ANK2: variants seen among roughly 807,000 people sequenced by gnomAD.
ANK2 encodes ankyrin-2.
A neutral mutation model predicts 360.5 loss-of-function variants in ANK2; 83 were observed. That is an observed-to-expected ratio of 0.23 (90% CI 0.19 to 0.28). The LOEUF (loss-of-function observed/expected upper bound fraction) is 0.28. ANK2 is among the 10% of genes least tolerant of loss of function. The pLI is 1.00. For synonymous variants in ANK2, 1,740 were observed against 1,759.5 expected, an observed-to-expected ratio of 0.99 and a Z score of 0.28; for missense variants, 4,201 against 4,795.7, an observed-to-expected ratio of 0.88 and a Z score of 3.66.
intron 18 of ANK2, 101 bp from the exon 19 acceptor site, chr4:113,287,504 C>T (rs372340226): frequency 3.1e-6 from 3 of 964,212 alleles, no homozygotes; most frequent in Admixed American, 2.0e-5. Flanking sequence ...ATGAGTTTTC[C>T]AGGATATTTT....
At chr4:113,258,842 A>G (rs1298587208) in intron 13 of ANK2, among the ~76,000 whole-genome samples, 1 of 152,238 alleles carries the variant, frequency 6.6e-6, no homozygotes, top group African/African-American at 2.4e-5. Flanking sequence ...TAACCTTAAC[A>G]AAAGATTAAC....
At chr4:112,726,854 A>T in the ANK2 span, among the ~76,000 whole-genome samples, 1 of 150,080 alleles carries the variant, frequency 6.7e-6, no homozygotes, top group African/African-American at 2.4e-5. Flanking sequence ...TCTGTCTCAA[A>T]AAAAAAAAAA....
chr4:112,794,412 G>T, the ANK2 span, among the ~76,000 whole-genome samples: 1 of 152,294 alleles, frequency 6.6e-6, no homozygotes, highest in African/African-American at 2.4e-5. Context: ...AGCAGAGTAT[G>T]TAGTTATCTT....
intron 2 of ANK2, among the ~76,000 whole-genome samples, chr4:113,023,493 A>G (rs929054354): frequency 6.6e-6 from 1 of 152,116 alleles, no homozygotes; most frequent in African/African-American, 2.4e-5. Flanking sequence ...CTCTATATAG[A>G]TATGCTTGTG....
chr4:113,043,384 G>A (rs2063446096), intron 2 of ANK2, among the ~76,000 whole-genome samples: 1 of 151,864 alleles, frequency 6.6e-6, no homozygotes, highest in South Asian at 2.1e-4. Context: ...GCAGTCCCCA[G>A]GCCCAGAAGT....
the ANK2 span, among the ~76,000 whole-genome samples, chr4:112,710,810 C>A: frequency 6.6e-6 from 1 of 151,340 alleles, no homozygotes; most frequent in East Asian, 1.9e-4. Context: ...TTACCTTTTG[C>A]CTCCACTGGG....
intron 2 of ANK2, among the ~76,000 whole-genome samples, chr4:113,190,510 CATTAA>C (rs2098642537): frequency 6.6e-6 from 1 of 151,412 alleles, no homozygotes; most frequent in Non-Finnish European, 1.5e-5. Flanking sequence ...TGTATTTGGA[CATTAA>C]ATATCTACAA....
At chr4:112,913,092 C>G (rs1167273429) in intron 2 of ANK2, among the ~76,000 whole-genome samples, 5 of 152,098 alleles carry the variant, frequency 3.3e-5, no homozygotes, top group Non-Finnish European at 7.4e-5. Context: ...TAAAAAAACT[C>G]ATATTAGCTC....
chr4:113,373,780 G>C, intron 45 of ANK2: 1 of 464,476 alleles, frequency 2.2e-6, no homozygotes, highest in South Asian at 1.8e-5. Context: ...GCAGTATGCT[G>C]TGGAGACACC....
intron 1 of ANK2, among the ~76,000 whole-genome samples, chr4:113,170,391 T>C (rs1308379487): frequency 1.3e-5 from 2 of 152,308 alleles, no homozygotes; most frequent in Non-Finnish European, 2.9e-5. Flanking sequence ...ACCATTCTTG[T>C]CTCTGTACTA....
chr4:112,823,707 A>G (rs1405725307), intron 1 of ANK2, among the ~76,000 whole-genome samples: 1 of 152,226 alleles, frequency 6.6e-6, no homozygotes, highest in East Asian at 1.9e-4. Flanking sequence ...CTTGTTGTAA[A>G]CAAAGCAACA....
At chr4:113,189,911 G>A (rs555444420) in intron 2 of ANK2, among the ~76,000 whole-genome samples, 5 of 152,226 alleles carry the variant, frequency 3.3e-5, no homozygotes, top group Admixed American at 2.6e-4. Context: ...TCATTGAAAT[G>A]TTAAATGAGT....
At chr4:113,236,943 A>G (rs2099388439) in intron 5 of ANK2, 44 bp from the exon 6 acceptor site, 2 of 1,584,258 alleles carry the variant, frequency 1.3e-6, no homozygotes, top group African/African-American at 2.7e-5. Flanking sequence ...AATCTCTAGC[A>G]TCTGAAGATG....
At chr4:113,301,939 G>T (rs57599969) in intron 22 of ANK2, among the ~76,000 whole-genome samples, 7,363 of 152,166 alleles carry the variant, frequency 0.048, 322 homozygotes, top group East Asian at 0.26. Flanking sequence ...AATATTTATG[G>T]AGTGCCAACA....
intron 26 of ANK2, among the ~76,000 whole-genome samples, chr4:113,320,168 G>A (rs928906314): frequency 1.3e-5 from 2 of 152,182 alleles, no homozygotes; most frequent in African/African-American, 4.8e-5. Flanking sequence ...ACACCTATAA[G>A]TAATTATGGT....
chr4:112,984,010 T>C (rs771161506), intron 2 of ANK2, among the ~76,000 whole-genome samples: 5 of 152,220 alleles, frequency 3.3e-5, no homozygotes, highest in Non-Finnish European at 5.9e-5. Context: ...ATAATAATGA[T>C]AATTTGACAT....
chr4:112,930,907 G>T (rs2154236908), intron 2 of ANK2, among the ~76,000 whole-genome samples: 2 of 148,910 alleles, frequency 1.3e-5, no homozygotes, highest in Middle Eastern at 7.0e-3. Context: ...AAAAAAAAAA[G>T]ACTTAAAATG....
the ANK2 span, among the ~76,000 whole-genome samples, chr4:112,707,381 G>A: frequency 5.3e-5 from 8 of 152,208 alleles, no homozygotes; most frequent in Non-Finnish European, 1.0e-4. Flanking sequence ...TGACTAAAAA[G>A]TAGTGTGTAC....
chr4:113,031,576 C>A (rs1311799895), intron 2 of ANK2: 1 of 95,442 alleles, frequency 1.0e-5, no homozygotes, highest in Non-Finnish European at 2.1e-5. Context: ...CACCCCATTT[C>A]TATTTTTTTG....
Sources: gnomAD v4.1 joint callset for allele counts (sites outside exome capture counted in the v4.1 genomes callset) on GRCh38, gnomAD v4.1.1 for gene constraint, MANE v1.5 for transcripts, NCBI Gene and HGNC (gene_info 2026-07-23, HGNC 2026-07-21) for gene names.